The following CPAMD8 variants were observed in gnomAD, a reference collection of about 807,000 sequenced individuals.
CPAMD8 encodes the protein C3 and PZP like alpha-2-macroglobulin domain containing 8.
In CPAMD8, 146 loss-of-function variants were observed where a neutral mutation model predicts 224.7. The ratio of observed to expected loss-of-function variants is 0.65; its 90% confidence interval spans 0.57 to 0.75. The LOEUF (loss-of-function observed/expected upper bound fraction) is 0.75, where lower values mean the gene tolerates loss of function less well. Among genes scored for constraint, CPAMD8 ranks in the 30% least tolerant of loss-of-function variants. The pLI, the probability that CPAMD8 is intolerant of heterozygous loss-of-function variation, is 0.00. For missense variants in CPAMD8, 2,301 were observed against 2,537.5 expected, an observed-to-expected ratio of 0.91 and a Z score of 2.00; for synonymous variants, 966 against 1,044.6, an observed-to-expected ratio of 0.92 and a Z score of 1.45.
At position 16,896,531 on chromosome 19, in the gene CPAMD8, C is replaced by A; in HGVS notation, c.5200G>T (p.Ala1734Ser). 2 of 1,461,196 alleles carry A rather than the reference C, an allele frequency of 1.4e-6. No homozygotes were observed. The highest frequency in any genetic ancestry group is 1.4e-5 in the South Asian group (1 of 73,628). The allele number at this position is 1,461,196 out of a possible 1,614,324, so 90.5% of individuals were successfully genotyped here. ...CAGGCGGCCTCCCGCAGGCGGCAGG[C>A]GCTGGCGTAGACCACCCCGTCGGAG... Reference protein sequence around the residue: ...CGSDGVVYASACRLREAACRQ... With the variant: ...CGSDGVVYASSCRLREAACRQ... The change falls in exon 40 of 42, where the codon GCC becomes TCC. Residue 1734 changes from alanine to serine, a missense_variant. Ala to Ser is a moderately conservative substitution (Grantham distance 99). Around this residue, in one of 4 missense-constraint regions of CPAMD8, gnomAD observed 1,709 missense variants for 1,753.2 expected, o/e 0.97. Coordinates refer to ENST00000443236, the MANE Select transcript of CPAMD8 (RefSeq NM_015692.5).
chr19:16,930,631 T>C (rs1054664155), intron 23 of CPAMD8, among the ~76,000 whole-genome samples: 56 of 152,120 alleles, frequency 3.7e-4, no homozygotes, highest in Non-Finnish European at 6.8e-4. Flanking sequence ...TGGTCCCCAT[T>C]CCCACCGTGG....
intron 7 of CPAMD8, 40 bp downstream of exon 7, chr19:17,008,465 T>C (rs375690425): frequency 3.9e-5 from 63 of 1,609,914 alleles, no homozygotes; most frequent in South Asian, 3.2e-4. Flanking sequence ...GGAAGGTTTA[T>C]CACATCTGCA....
At chr19:17,010,277 G>T (rs957334406) in intron 5 of CPAMD8, among the ~76,000 whole-genome samples, 1 of 151,328 alleles carries the variant, frequency 6.6e-6, no homozygotes, top group Non-Finnish European at 1.5e-5. Flanking sequence ...TTTGCTGCCC[G>T]GGCTGGAGTT....
intron 41 of CPAMD8, chr19:16,895,107 C>T (rs1454588701): frequency 6.5e-6 from 1 of 152,782 alleles, no homozygotes; most frequent in Non-Finnish European, 1.5e-5. Flanking sequence ...AGTGAGACCT[C>T]GTTTGAAAAA....
chr19:16,898,631 C>A lies in CPAMD8; in HGVS notation c.4849-637G>T, dbSNP rs1337000088. ...CACTCCCCACTCCCCCAGCCCCTGG[C>A]AACCACAAATCTTTCCAACTCTACG... On this transcript the variant is annotated intron_variant, in intron 37 of 41. Transcript: ENST00000443236. The surrounding 1 kb of genome is among the most constrained non-coding windows in gnomAD (Gnocchi z 4.2). Among the ~76,000 whole-genome samples, 1 of 152,170 alleles carries A rather than the reference C, an allele frequency of 6.6e-6. No individual in the cohort carries two copies. The highest frequency in any genetic ancestry group is 6.5e-5 in the Admixed American group (1 of 15,278).
chr19:17,023,061 C>A (rs2056999303), intron 1 of CPAMD8, among the ~76,000 whole-genome samples: 1 of 152,146 alleles, frequency 6.6e-6, no homozygotes, highest in Admixed American at 6.6e-5. Context: ...CAAAGGGCTT[C>A]TTTGCAACAT....
chr19:16,902,243 G>A (rs1001538583), intron 35 of CPAMD8, among the ~76,000 whole-genome samples: 2 of 151,810 alleles, frequency 1.3e-5, no homozygotes, highest in African/African-American at 2.4e-5. Flanking sequence ...CTGGCTGGGC[G>A]AGGTGGCTCA....
intron 1 of CPAMD8, among the ~76,000 whole-genome samples, chr19:17,024,061 C>T (rs2123283299): frequency 6.6e-6 from 1 of 152,280 alleles, no homozygotes; most frequent in Admixed American, 6.5e-5. Flanking sequence ...TTAGATTAGG[C>T]AAAGATTTCT....
In CPAMD8 at chr19:16,989,865, C is replaced by T; in HGVS notation, c.1267-94G>A. ...CTGCTTGCTCTGCCCAGAAGAAACA[C>T]CCTCTCATGCTCCAATATCCCTTTG... On this transcript the variant is annotated intron_variant, in intron 12 of 41. Transcript: ENST00000443236. The T allele has an allele frequency of 2.5e-6, 3 of 1,185,288 alleles. No homozygotes were observed. In the South Asian group the frequency reaches 3.9e-5, roughly 15 times the overall value. The allele number at this position is 1,185,288 out of a possible 1,614,324, so 73.4% of individuals were successfully genotyped here.
chr19:17,007,881 G>A (rs1310024848), intron 7 of CPAMD8, among the ~76,000 whole-genome samples: 1 of 152,210 alleles, frequency 6.6e-6, no homozygotes, highest in Non-Finnish European at 1.5e-5. Context: ...AAGAAGCTGG[G>A]AGCAGGCCGG....
intron 29 of CPAMD8, among the ~76,000 whole-genome samples, chr19:16,914,126 C>T (rs1041492770): frequency 1.3e-5 from 2 of 152,140 alleles, no homozygotes; most frequent in African/African-American, 4.8e-5. Context: ...AAATGATTCT[C>T]TGAAGGAGGT....
intron 3 of CPAMD8, among the ~76,000 whole-genome samples, chr19:17,014,581 G>A (rs1473591202): frequency 6.6e-6 from 1 of 152,162 alleles, no homozygotes; most frequent in East Asian, 1.9e-4. Flanking sequence ...CACAATCATG[G>A]CGAAAGGTGA....
In CPAMD8 at chr19:16,898,850, C is replaced by T. The variant is rs1034199412; in HGVS notation, c.4848+625G>A. Among the ~76,000 whole-genome samples the T allele has an allele frequency of 2.0e-5, 3 of 152,178 alleles. No homozygotes were observed. Among genetic ancestry groups the T allele is most frequent in the African/African-American group, 7.2e-5 (3 of 41,438 alleles). ...TGCTTTTTCTACCAACTGCCATCAG[C>T]CGAGGGCACAGAGCTGTCAGCATGG... On this transcript the variant is annotated intron_variant, in intron 37 of 41. Coordinates refer to ENST00000443236, the MANE Select transcript of CPAMD8 (RefSeq NM_015692.5). This position sits in a 1 kb window ranked among gnomAD's most constrained non-coding sequence, Gnocchi z 4.2.
intron 21 of CPAMD8, among the ~76,000 whole-genome samples, 187 bp from the exon 22 acceptor site, chr19:16,945,866 T>A (rs8105356): frequency 1.3e-5 from 2 of 151,888 alleles, no homozygotes; most frequent in Non-Finnish European, 2.9e-5. Context: ...TGTGTTTGAA[T>A]GTACAGGCTC....
At chr19:16,908,919 C>T (rs925500717) in intron 29 of CPAMD8, among the ~76,000 whole-genome samples, 2 of 152,106 alleles carry the variant, frequency 1.3e-5, no homozygotes, top group African/African-American at 4.8e-5. Flanking sequence ...CCAGGTCACG[C>T]GGGCCAGGAC....
chr19:16,895,897 G>GCGCA (rs1476283799), intron 41 of CPAMD8: 2 of 550,350 alleles, frequency 3.6e-6, no homozygotes, highest in Admixed American at 2.3e-5. Context: ...GCGCGCGCGC[G>GCGCA]CGCACGCACA....
chr19:16,996,288 T>C (rs2056120481), intron 11 of CPAMD8, among the ~76,000 whole-genome samples: 1 of 149,594 alleles, frequency 6.7e-6, no homozygotes, highest in Admixed American at 6.6e-5. Flanking sequence ...TGGTGAGCTA[T>C]GATCTCACCA....
chr19:16,912,146 A>G (rs2052752309), intron 29 of CPAMD8, among the ~76,000 whole-genome samples: 1 of 152,182 alleles, frequency 6.6e-6, no homozygotes, highest in African/African-American at 2.4e-5. Flanking sequence ...TAATAATAAT[A>G]GAAATAAAGT....
intron 13 of CPAMD8, among the ~76,000 whole-genome samples, chr19:16,989,173 C>T (rs932165107): frequency 1.3e-5 from 2 of 152,124 alleles, no homozygotes; most frequent in South Asian, 2.1e-4. Flanking sequence ...ACATAATGTC[C>T]TTGAATCATC....
Sources: gnomAD v4.1 joint callset for allele counts (sites outside exome capture counted in the v4.1 genomes callset) on GRCh38, gnomAD v4.1.1 for gene constraint, gnomAD v4.1.1 regional missense constraint, Gnocchi (gnomAD v3.1) non-coding constraint, MANE v1.5 for transcripts, NCBI Gene and HGNC (gene_info 2026-07-23, HGNC 2026-07-21) for gene names.